LOC400499: variants seen among roughly 807,000 people sequenced by gnomAD.
chr16:11,474,703 C>T, the LOC400499 span, among the ~76,000 whole-genome samples: 1 of 138,606 alleles, frequency 7.2e-6, no homozygotes, highest in Non-Finnish European at 1.6e-5. Context: ...CTACAAAATA[C>T]AAAAAAAAAA....
chr16:11,398,449 C>T, the LOC400499 span: 46 of 1,232,156 alleles, frequency 3.7e-5, no homozygotes, highest in Middle Eastern at 3.1e-4. Context: ...CAAGAGGCCC[C>T]GAGGACGTGC....
the LOC400499 span, among the ~76,000 whole-genome samples, chr16:11,520,807 T>C: frequency 6.6e-6 from 1 of 152,138 alleles, no homozygotes; most frequent in African/African-American, 2.4e-5. Flanking sequence ...AAATTCCTTG[T>C]TTTGAAGATT....
At chr16:11,409,683 G>A in the LOC400499 span, among the ~76,000 whole-genome samples, 2 of 152,334 alleles carry the variant, frequency 1.3e-5, no homozygotes, top group Admixed American at 1.3e-4. Context: ...TATATGGGCT[G>A]TACATTAAAT....
At chr16:11,527,262 G>A in the LOC400499 span, among the ~76,000 whole-genome samples, 1 of 152,180 alleles carries the variant, frequency 6.6e-6, no homozygotes, top group African/African-American at 2.4e-5. Flanking sequence ...CCCCAAAGAG[G>A]AGGGCTCAGC....
At chr16:11,402,807 T>A in the LOC400499 span, among the ~76,000 whole-genome samples, 1 of 152,030 alleles carries the variant, frequency 6.6e-6, no homozygotes, top group Non-Finnish European at 1.5e-5. Context: ...GCCGCTGAGT[T>A]TCGGAATACT....
the LOC400499 span, chr16:11,460,995 G>T: frequency 3.3e-6 from 5 of 1,535,646 alleles, no homozygotes; most frequent in African/African-American, 6.8e-5. Flanking sequence ...TCAGGGAGTT[G>T]GTCCAGAGCT....
At chr16:11,384,112 G>C in the LOC400499 span, 1 of 1,223,834 alleles carries the variant, frequency 8.2e-7, no homozygotes, top group Middle Eastern at 3.1e-4. Flanking sequence ...GGCCTACGAA[G>C]TCCTCTGCAG....
At chr16:11,462,044 A>C in the LOC400499 span, 2 of 1,303,272 alleles carry the variant, frequency 1.5e-6, no homozygotes, top group East Asian at 5.5e-5. Flanking sequence ...TGAGGACCAT[A>C]AGGAGGCACT....
the LOC400499 span, among the ~76,000 whole-genome samples, chr16:11,372,904 G>A: frequency 1.3e-5 from 2 of 152,174 alleles, no homozygotes; most frequent in African/African-American, 4.8e-5. Flanking sequence ...TAAGAGCAGC[G>A]GGCATGGGTC....
the LOC400499 span, chr16:11,398,207 G>T: frequency 1.6e-6 from 1 of 623,032 alleles, no homozygotes; most frequent in Non-Finnish European, 2.3e-6. Flanking sequence ...CAGTCACCCA[G>T]CAGGCAAATG....
the LOC400499 span, among the ~76,000 whole-genome samples, chr16:11,438,783 T>C: frequency 7.9e-5 from 12 of 151,854 alleles, no homozygotes; most frequent in Admixed American, 7.2e-4. Context: ...AGTGAGATCC[T>C]GTCTCAAAAG....
chr16:11,385,365 A>G, the LOC400499 span: 1 of 1,232,152 alleles, frequency 8.1e-7, no homozygotes. Context: ...GAGGTCCCAT[A>G]CCCGGCCGTC....
chr16:11,377,636 G>A, the LOC400499 span, among the ~76,000 whole-genome samples: 1 of 152,114 alleles, frequency 6.6e-6, no homozygotes. Flanking sequence ...AACCATCTTT[G>A]CATTCCAGGA....
chr16:11,497,620 A>C, the LOC400499 span, among the ~76,000 whole-genome samples: 9 of 152,298 alleles, frequency 5.9e-5, no homozygotes, highest in African/African-American at 2.2e-4. Context: ...GCTGGCAGAG[A>C]GCCCAGATCT....
chr16:11,479,463 TAAAA>T, the LOC400499 span, among the ~76,000 whole-genome samples: 1 of 141,328 alleles, frequency 7.1e-6, no homozygotes, highest in African/African-American at 2.6e-5. Context: ...ATTAAAAAAT[TAAAA>T]AAAAAAAAAG....
chr16:11,520,565 G>A, the LOC400499 span, among the ~76,000 whole-genome samples: 2 of 151,972 alleles, frequency 1.3e-5, no homozygotes, highest in Admixed American at 1.3e-4. Flanking sequence ...TACTCAGGAG[G>A]CTGACGCAGG....
chr16:11,404,878 T>G, the LOC400499 span: 1 of 398,920 alleles, frequency 2.5e-6, no homozygotes. Context: ...TGGAAGAGAA[T>G]GACGGCGTCA....
At chr16:11,377,782 C>G in the LOC400499 span, among the ~76,000 whole-genome samples, 1 of 152,136 alleles carries the variant, frequency 6.6e-6, no homozygotes, top group African/African-American at 2.4e-5. Flanking sequence ...CTTTGTCTGC[C>G]TTTGGTATCA....
the LOC400499 span, among the ~76,000 whole-genome samples, chr16:11,484,140 T>G: frequency 6.6e-6 from 1 of 150,424 alleles, no homozygotes; most frequent in Non-Finnish European, 1.5e-5. Flanking sequence ...CCCAAGCACC[T>G]GGGACTACAG....
Sources: gnomAD v4.1 joint callset for allele counts (sites outside exome capture counted in the v4.1 genomes callset) on GRCh38, gnomAD v4.1.1 for gene constraint, MANE v1.5 for transcripts.